Variants in NT5E observed in about 807,000 individuals in gnomAD.
NT5E encodes the protein 5'-nucleotidase.
In NT5E, 53 loss-of-function variants were observed where a neutral mutation model predicts 55.1. The ratio of observed to expected loss-of-function variants is 0.96; its 90% CI spans 0.77 to 1.21. The LOEUF (loss-of-function observed/expected upper bound fraction) is 1.21, where lower values mean the gene tolerates loss of function less well. Among genes scored for constraint, NT5E ranks in the 50% most tolerant of loss-of-function variants. The pLI is 0.00. For synonymous variants in NT5E, 270 were observed against 278.4 expected (o/e 0.97, Z 0.30); for missense variants, 683 against 724.3 (o/e 0.94, Z 0.65).
At chr6:85,476,630 G>A (rs750560251) in intron 3 of NT5E, among the ~76,000 whole-genome samples, 4 of 152,186 alleles carry the variant, frequency 2.6e-5, no homozygotes, top group Non-Finnish European at 4.4e-5. Context: ...GGATCAGCTT[G>A]CACGAACAAA....
chr6:85,486,087 G>A (rs901563098), intron 4 of NT5E, among the ~76,000 whole-genome samples: 12 of 152,154 alleles, frequency 7.9e-5, no homozygotes. Context: ...GCAGGGGTAC[G>A]TTAGTGAGGG....
At chr6:85,455,136 T>A (rs1390290644) in intron 1 of NT5E, among the ~76,000 whole-genome samples, 4 of 152,198 alleles carry the variant, frequency 2.6e-5, no homozygotes, top group Admixed American at 1.3e-4. Context: ...TGTGGTATAA[T>A]AAAAAATAAA....
At position 85,473,151 on chromosome 6, in the gene NT5E, C is replaced by T. The variant is rs550052205; in HGVS notation, c.751+1726C>T. ...GTTAAATGAACTAAGAGAGCCAAGA[C>T]GAGGAAATAATTGGAGCAGGTCACT... is the stretch of plus-strand genomic sequence containing the variant. On this transcript the variant is annotated intron_variant, in intron 3 of 8. Coordinates refer to ENST00000257770, the MANE Select transcript of NT5E (RefSeq NM_002526.4). Among the ~76,000 whole-genome samples the T allele has an allele frequency of 5.9e-5, 9 of 152,148 alleles. No homozygotes were observed. In the South Asian group the frequency reaches 6.2e-4, roughly 11 times the overall value.
intron 3 of NT5E, among the ~76,000 whole-genome samples, chr6:85,473,807 G>A (rs1225572158): frequency 1.3e-5 from 2 of 152,144 alleles, no homozygotes; most frequent in African/African-American, 2.4e-5. Context: ...TAAATGGGAC[G>A]TGACCAAAAT....
chr6:85,450,295 CA>C lies in NT5E; in HGVS notation c.158del (p.Asn53ThrfsTer53). 6.2e-7 allele frequency: 1 copy of C among 1,605,500 alleles called. No homozygotes were observed. The highest frequency in any genetic ancestry group is 8.5e-7 in the Non-Finnish European group (1 of 1,177,132). ...CCAGCGAGGACTCCAGCAAGTGCGT[CA>C]ACGCCAGCCGCTGCATGGGTGGCGT... ...QTSEDSSKCV[N>X]ASRCMGGVAR... is the part of the protein sequence containing the mutation. On this transcript the variant is annotated frameshift_variant, in exon 1 of 9. Transcript: ENST00000257770. LOFTEE classifies it high-confidence loss of function. This position sits in a 1 kb window ranked among gnomAD's most constrained non-coding sequence, Gnocchi z 4.0.
Position 85,490,670 on chromosome 6 carries a change from T to C in NT5E, c.1360+13T>C, listed in dbSNP as rs370697766. ...CTGCAGGTGGGCGGTAAGTCACCCA[T>C]CCTGTAGGGCTGGCCCATCCAAAGT... is the stretch of plus-strand genomic sequence containing the variant. On this transcript the variant is annotated intron_variant, in intron 7 of 8. Transcript: ENST00000257770. 27 of 1,613,280 alleles carry C rather than the reference T, an allele frequency of 1.7e-5. No homozygotes were observed. The African/African-American group carries it at 1.9e-4, about 11-fold the overall frequency.
At chr6:85,472,565 A>G (rs1231860089) in intron 3 of NT5E, among the ~76,000 whole-genome samples, 6 of 152,202 alleles carry the variant, frequency 3.9e-5, no homozygotes, top group Non-Finnish European at 5.9e-5. Flanking sequence ...TGAATCTGCT[A>G]GCTTAGCTTC....
rs142302523 is a variant in NT5E at position 85,467,164 on chromosome 6, G to A, written c.444G>A (p.Gly148=). The A allele has an allele frequency of 1.2e-4, 187 of 1,614,114 alleles. 1 individual carries two copies. The African/African-American group carries it at 1.4e-3, about 12-fold the overall frequency. ...PILSANIKAK[G]PLASQISGLY... is the part of the protein sequence containing the mutation. ...TGAGTGCAAACATTAAAGCAAAGGG[G>A]CCACTAGCATCTCAAATATCAGGAC... Residue 148 remains glycine, a synonymous_variant, in exon 2 of 9, where the codon GGG becomes GGA. Coordinates refer to ENST00000257770, the MANE Select transcript of NT5E (RefSeq NM_002526.4).
rs750775629 is a variant in NT5E, at chr6:85,491,966, T to A, written c.1361-11T>A. Reference sequence around the variant, plus strand: ...TTGGATCTGGTGAAAACAGATTCATTTCTTTTCTAGGAATCCATGTGGTGT... The same window carrying A: ...TTGGATCTGGTGAAAACAGATTCATATCTTTTCTAGGAATCCATGTGGTGT... On this transcript the variant is annotated splice_polypyrimidine_tract_variant and intron_variant, in intron 7 of 8. Coordinates refer to ENST00000257770, the MANE Select transcript of NT5E (RefSeq NM_002526.4). The A allele has an allele frequency of 6.8e-6, 11 of 1,613,054 alleles. No individual in the cohort carries two copies. In the South Asian group the frequency reaches 8.8e-5, roughly 13 times the overall value.
At chr6:85,489,693 C>T in intron 6 of NT5E, 94 bp downstream of exon 6, 2 of 865,124 alleles carry the variant, frequency 2.3e-6, no homozygotes, top group Non-Finnish European at 3.8e-6. Context: ...CCATGTGCAG[C>T]CTCAGTTCAT....
At chr6:85,487,900 A>G (rs1769701204) in intron 5 of NT5E, among the ~76,000 whole-genome samples, 1 of 152,234 alleles carries the variant, frequency 6.6e-6, no homozygotes, top group Non-Finnish European at 1.5e-5. Flanking sequence ...CCTTTATTTT[A>G]AGGTGTTCTT....
At chr6:85,484,838 G>A (rs1769616577) in intron 3 of NT5E, among the ~76,000 whole-genome samples, 1 of 152,114 alleles carries the variant, frequency 6.6e-6, no homozygotes, top group Admixed American at 6.5e-5. Context: ...TGTTTAAAAT[G>A]GATTTCGCCC....
chr6:85,463,289 G>C (rs569689939), intron 1 of NT5E, among the ~76,000 whole-genome samples: 5 of 152,288 alleles, frequency 3.3e-5, no homozygotes, highest in Admixed American at 1.3e-4. Context: ...ATGTCATAGG[G>C]ATAGAATTAG....
At chr6:85,476,044 A>G (rs1769428191) in intron 3 of NT5E, among the ~76,000 whole-genome samples, 1 of 152,020 alleles carries the variant, frequency 6.6e-6, no homozygotes, top group Non-Finnish European at 1.5e-5. Context: ...CTCTCATCTA[A>G]TCACCTCCAA....
Position 85,492,093 on chromosome 6 carries a change from T to C in NT5E, c.1477T>C (p.Tyr493His), listed in dbSNP as rs1769797427. 2 of 1,614,166 alleles carry C rather than the reference T, an allele frequency of 1.2e-6. No individual in the cohort carries two copies. The highest frequency in any genetic ancestry group is 2.2e-5 in the East Asian group (1 of 44,892). ...TGACCCTCTCAAAATGGACGAGGTA[T>C]ATAAGGTGATCCTCCCAAACTTCCT... is the stretch of plus-strand genomic sequence containing the variant. ...SYDPLKMDEV[Y>H]KVILPNFLAN... is the part of the protein sequence containing the mutation. Residue 493 changes from tyrosine (Y) to histidine (H), a missense_variant, in exon 8 of 9, where the codon TAT (tyrosine) becomes CAT (histidine). By Grantham distance (83) the Tyr-to-His change is moderately conservative. Transcript: ENST00000257770.
rs1769858426 is a variant in NT5E, at chr6:85,494,865, C to A, written c.*861C>A. On this transcript the variant is annotated 3_prime_UTR_variant, in exon 9 of 9. Transcript: ENST00000257770. ...AGGACTGTTTTATATTATAGAAAAG[C>A]AAGAGCTAAAGAGCATTTACACATG... The A allele has an allele frequency of 6.6e-6, 1 of 152,190 alleles. No individual in the cohort carries two copies. The highest frequency in any genetic ancestry group is 6.5e-5 in the Admixed American group (1 of 15,282). 9.4% of individuals were successfully genotyped at this position (152,190 alleles called of 1,614,324 possible).
chr6:85,455,043 G>C (rs896713547), intron 1 of NT5E, among the ~76,000 whole-genome samples: 2 of 152,314 alleles, frequency 1.3e-5, no homozygotes, highest in East Asian at 3.9e-4. Context: ...TGGCAGAAGA[G>C]GTTGTGTAAA....
intron 1 of NT5E, among the ~76,000 whole-genome samples, chr6:85,459,142 CAG>C (rs148944114): frequency 3.3e-5 from 5 of 151,494 alleles, no homozygotes; most frequent in Admixed American, 6.6e-5. Flanking sequence ...AAAAGAGAGA[CAG>C]AGAGAGAGAG....
chr6:85,492,855 G>A (rs1018873624), intron 8 of NT5E, among the ~76,000 whole-genome samples: 2 of 152,150 alleles, frequency 1.3e-5, no homozygotes, highest in African/African-American at 2.4e-5. Flanking sequence ...GTTCCACCAG[G>A]ATCTTCCTCA....
Sources: allele counts gnomAD v4.1 joint callset (sites outside exome capture counted in the v4.1 genomes callset), GRCh38; gene constraint gnomAD v4.1.1; non-coding constraint Gnocchi (gnomAD v3.1); transcripts MANE v1.5; gene names NCBI Gene and HGNC (gene_info 2026-07-23, HGNC 2026-07-21).